The following CCNJL variants were observed in gnomAD, a reference collection of about 807,000 sequenced individuals.
The protein encoded by CCNJL is cyclin-J-like protein.
In CCNJL, 33 loss-of-function variants were observed where a neutral mutation model predicts 33.4. That is an observed-to-expected ratio of 0.99 (90% CI 0.75 to 1.32). The LOEUF is 1.32. Ranked by LOEUF, CCNJL falls within the 40% of genes most tolerant of loss-of-function variation. The pLI is 0.00. For synonymous variants in CCNJL, 227 were observed against 220.9 expected (o/e 1.03, Z -0.24); for missense variants, 512 against 499.7 (o/e 1.02, Z -0.23).
intron 1 of CCNJL, among the ~76,000 whole-genome samples, chr5:160,325,376 A>G (rs1041682066): frequency 3.3e-5 from 5 of 152,008 alleles, no homozygotes; most frequent in Non-Finnish European, 5.9e-5. Flanking sequence ...TGCTTGCCCA[A>G]TCTTATCGCC....
intron 2 of CCNJL, among the ~76,000 whole-genome samples, chr5:160,285,147 A>G (rs1363716): frequency 0.21 from 31,221 of 151,926 alleles, 5,757 homozygotes; most frequent in African/African-American, 0.49. Flanking sequence ...CTGAGATCGC[A>G]CCACTGCACT....
At chr5:160,295,827 T>G (rs1046797552) in intron 2 of CCNJL, among the ~76,000 whole-genome samples, 8 of 152,222 alleles carry the variant, frequency 5.3e-5, no homozygotes, top group African/African-American at 1.9e-4. Flanking sequence ...ACTTCTGGTC[T>G]CCACAACTGT....
chr5:160,286,044 C>G (rs1024637765), intron 2 of CCNJL, among the ~76,000 whole-genome samples: 1 of 152,184 alleles, frequency 6.6e-6, no homozygotes, highest in African/African-American at 2.4e-5. Flanking sequence ...CAGCCACAGT[C>G]ATAGATCCTT....
intron 2 of CCNJL, among the ~76,000 whole-genome samples, chr5:160,307,528 GA>G (rs1352587577): frequency 6.6e-6 from 1 of 152,082 alleles, no homozygotes; most frequent in Non-Finnish European, 1.5e-5. Context: ...CATCTTTCAA[GA>G]AAAAAACAAA....
chr5:160,333,408 G>A (rs1581024732), intron 1 of CCNJL, among the ~76,000 whole-genome samples: 2 of 151,924 alleles, frequency 1.3e-5, no homozygotes, highest in Admixed American at 1.3e-4. Context: ...ACAGGCATGA[G>A]CCACCGTGCC....
intron 1 of CCNJL, among the ~76,000 whole-genome samples, chr5:160,332,960 C>A (rs1763628849): frequency 6.6e-6 from 1 of 152,120 alleles, no homozygotes; most frequent in Non-Finnish European, 1.5e-5. Context: ...AGAAGTGGAT[C>A]AGTGAATTAA....
At chr5:160,306,358 T>C (rs1468106101) in intron 2 of CCNJL, among the ~76,000 whole-genome samples, 1 of 147,916 alleles carries the variant, frequency 6.8e-6, no homozygotes, top group East Asian at 2.0e-4. Context: ...TGGGAAAAAA[T>C]GCATTAGGTG....
rs1174799196 is a variant in CCNJL at position 160,251,098 on chromosome 5, A to G, written c.*2280T>C. Reference sequence around the variant, plus strand: ...TGCTGTCAAGGTATTTTTAGATGTGATTAACATTTACAATCAGTTGACTTT... The same window carrying G: ...TGCTGTCAAGGTATTTTTAGATGTGGTTAACATTTACAATCAGTTGACTTT... On this transcript the variant is annotated 3_prime_UTR_variant, in exon 6 of 6. Transcript: ENST00000257536. 1 of 152,178 alleles carries G rather than the reference A, an allele frequency of 6.6e-6. No individual in the cohort carries two copies. Among genetic ancestry groups the G allele is most frequent in the Admixed American group, 6.5e-5 (1 of 15,274 alleles). 9.4% of individuals were successfully genotyped at this position (152,178 alleles called of 1,614,324 possible). A position where few individuals can be genotyped will look rare whatever the true frequency, so the allele number is the denominator to read the frequency against.
At chr5:160,314,699 T>C (rs193117259), upstream of CCNJL, among the ~76,000 whole-genome samples, 26 of 152,384 alleles carry the variant, frequency 1.7e-4, no homozygotes, top group Admixed American at 1.3e-3. Flanking sequence ...GATGCTACTT[T>C]CTAGACCTCT....
intron 2 of CCNJL, among the ~76,000 whole-genome samples, chr5:160,286,802 C>T (rs184788457): frequency 7.2e-5 from 11 of 152,158 alleles, no homozygotes; most frequent in African/African-American, 2.6e-4. Flanking sequence ...GCTCTTTCTC[C>T]CTGTTTCTGT....
At chr5:160,262,562 T>C (rs1242277790) in intron 3 of CCNJL, among the ~76,000 whole-genome samples, 1 of 152,198 alleles carries the variant, frequency 6.6e-6, no homozygotes, top group Non-Finnish European at 1.5e-5. Flanking sequence ...TGCTGCAGAA[T>C]GGAAAGTGCT....
At chr5:160,308,676 T>C (rs1314210336) in intron 2 of CCNJL, among the ~76,000 whole-genome samples, 1 of 152,200 alleles carries the variant, frequency 6.6e-6, no homozygotes, top group Non-Finnish European at 1.5e-5. Context: ...GAGAATGGTG[T>C]GAACCCGGGA....
chr5:160,328,079 C>T (rs1001366562), intron 1 of CCNJL, among the ~76,000 whole-genome samples: 4 of 152,032 alleles, frequency 2.6e-5, no homozygotes, highest in Admixed American at 1.3e-4. Context: ...CAGAGGCTCA[C>T]GCAGGAGTGC....
At chr5:160,271,759 G>A (rs1255776426) in intron 3 of CCNJL, among the ~76,000 whole-genome samples, 1 of 152,214 alleles carries the variant, frequency 6.6e-6, no homozygotes, top group East Asian at 1.9e-4. Flanking sequence ...ATAAGCAATA[G>A]TCACTTTAAT....
intron 2 of CCNJL, among the ~76,000 whole-genome samples, chr5:160,283,871 G>C (rs1400936831): frequency 6.6e-6 from 1 of 151,976 alleles, no homozygotes; most frequent in Admixed American, 6.6e-5. Context: ...GAGAACATGT[G>C]AAGTTTGTCT....
intron 3 of CCNJL, among the ~76,000 whole-genome samples, chr5:160,263,817 T>C (rs1421999954): frequency 1.3e-5 from 2 of 152,348 alleles, no homozygotes; most frequent in Admixed American, 1.3e-4. Context: ...TGGATGATCC[T>C]TTTCTGAATA....
chr5:160,293,529 T>A (rs115297296), intron 2 of CCNJL, among the ~76,000 whole-genome samples: 44 of 152,278 alleles, frequency 2.9e-4, no homozygotes, highest in African/African-American at 1.1e-3. Context: ...AGCAATTCCA[T>A]CAGCACGTAA....
intron 2 of CCNJL, among the ~76,000 whole-genome samples, chr5:160,308,521 G>T (rs1581011238): frequency 1.3e-5 from 2 of 152,358 alleles, no homozygotes; most frequent in African/African-American, 4.8e-5. Context: ...ACTTTGGGAG[G>T]CCGAGGCTGA....
intron 2 of CCNJL, among the ~76,000 whole-genome samples, chr5:160,306,803 T>A (rs974647468): frequency 1.3e-5 from 2 of 152,214 alleles, no homozygotes; most frequent in East Asian, 3.9e-4. Context: ...CTGTTAGAAG[T>A]CTGGGAGGAA....
Sources: allele counts gnomAD v4.1 joint callset (sites outside exome capture counted in the v4.1 genomes callset), GRCh38; gene constraint gnomAD v4.1.1; transcripts MANE v1.5; gene names NCBI Gene and HGNC (gene_info 2026-07-23, HGNC 2026-07-21).